Variants in KHDRBS2 observed in about 807,000 individuals in gnomAD.
The protein encoded by KHDRBS2 is KH RNA binding domain containing, signal transduction associated 2.
Under a neutral mutation model 44.3 loss-of-function variants are expected in KHDRBS2, and 26 were observed. That is an observed-to-expected ratio of 0.59 (90% CI 0.43 to 0.81). The LOEUF (loss-of-function observed/expected upper bound fraction) is 0.81, where lower values mean the gene tolerates loss of function less well. Ranked by LOEUF, KHDRBS2 falls within the 40% of genes least tolerant of loss-of-function variation. The pLI, the probability that KHDRBS2 is intolerant of heterozygous loss-of-function variation, is 0.00. For synonymous variants in KHDRBS2, 194 were observed against 151.1 expected (o/e 1.28, Z -2.08); for missense variants, 476 against 433.1 (o/e 1.10, Z -0.88).
intron 4 of KHDRBS2, among the ~76,000 whole-genome samples, chr6:61,945,201 A>G (rs1813120045): frequency 1.8e-5 from 2 of 113,352 alleles, no homozygotes; most frequent in South Asian, 5.5e-4. Flanking sequence ...AGATTTTATT[A>G]ATGATTAAAA....
chr6:62,188,398 T>C (rs1823891007), intron 1 of KHDRBS2, among the ~76,000 whole-genome samples: 1 of 152,168 alleles, frequency 6.6e-6, no homozygotes, highest in Non-Finnish European at 1.5e-5. Context: ...AGTGGAATCA[T>C]GTAGCGATTG....
At chr6:62,213,417 A>G (rs1301351087) in intron 1 of KHDRBS2, among the ~76,000 whole-genome samples, 1 of 152,022 alleles carries the variant, frequency 6.6e-6, no homozygotes, top group African/African-American at 2.4e-5. Flanking sequence ...CAGAGGGGGG[A>G]TCATGAAGGT....
At chr6:62,172,180 C>T (rs1229427431) in intron 2 of KHDRBS2, among the ~76,000 whole-genome samples, 1 of 151,962 alleles carries the variant, frequency 6.6e-6, no homozygotes, top group Non-Finnish European at 1.5e-5. Flanking sequence ...TTGAAGAGAC[C>T]CATCTCACAT....
intron 1 of KHDRBS2, among the ~76,000 whole-genome samples, chr6:62,262,896 G>A (rs915035885): frequency 1.3e-5 from 2 of 151,646 alleles, no homozygotes; most frequent in Non-Finnish European, 3.0e-5. Context: ...TCTCTAGAGA[G>A]AAACCATTCT....
intron 2 of KHDRBS2, among the ~76,000 whole-genome samples, chr6:62,077,160 T>C (rs1447057258): frequency 6.6e-6 from 1 of 152,102 alleles, no homozygotes; most frequent in Non-Finnish European, 1.5e-5. Context: ...AGAAAAATGC[T>C]GCATTTGACA....
At chr6:62,072,523 C>G (rs1795384461) in intron 2 of KHDRBS2, among the ~76,000 whole-genome samples, 1 of 151,976 alleles carries the variant, frequency 6.6e-6, no homozygotes, top group Non-Finnish European at 1.5e-5. Flanking sequence ...TCATTAATAC[C>G]TAATTTATTG....
At position 61,843,341 on chromosome 6, in the gene KHDRBS2, T is replaced by TTTATTATTATTATTATTA. The variant is rs70993183; in HGVS notation, c.810+51276_810+51293dup. The stretch of plus-strand genomic sequence containing the variant: ...GGCATGGTATATGAATTATATCTAT[T>TTTATTATTATTATTATTA]TTATTATTATTATTATTATTATTAT... On this transcript the variant is annotated intron_variant, in intron 6 of 8. Transcript: ENST00000281156. 1.6e-3 allele frequency among the ~76,000 whole-genome samples: 235 copies of TTTATTATTATTATTATTA among 143,366 alleles called. 2 individuals are homozygous for TTTATTATTATTATTATTA. Among genetic ancestry groups the TTTATTATTATTATTATTA allele is most frequent in the African/African-American group, 4.4e-3 (169 of 38,720 alleles). The allele number at this position is 143,366 out of a possible 152,430, so 94.1% of individuals were successfully genotyped here. A position where few individuals can be genotyped will look rare whatever the true frequency, so the allele number is the denominator to read the frequency against.
At chr6:61,982,214 A>AATATATATATAT (rs34900603) in intron 3 of KHDRBS2, among the ~76,000 whole-genome samples, 3 of 149,758 alleles carry the variant, frequency 2.0e-5, no homozygotes, top group African/African-American at 7.3e-5. Context: ...AGTCACTGCA[A>AATATATATATAT]ATATATATAT....
chr6:61,827,087 G>A (rs555231925), intron 6 of KHDRBS2, among the ~76,000 whole-genome samples: 60 of 152,328 alleles, frequency 3.9e-4, no homozygotes, highest in African/African-American at 1.3e-3. Context: ...CGTGCTGGAA[G>A]TATATACATT....
At chr6:61,821,809 C>T (rs1465498521) in intron 6 of KHDRBS2, among the ~76,000 whole-genome samples, 6 of 151,684 alleles carry the variant, frequency 4.0e-5, no homozygotes, top group Non-Finnish European at 5.9e-5. Context: ...CCATTAGAGA[C>T]CAATGACTGG....
intron 7 of KHDRBS2, among the ~76,000 whole-genome samples, chr6:61,713,033 G>A (rs1017668545): frequency 1.3e-5 from 2 of 151,418 alleles, no homozygotes; most frequent in African/African-American, 4.8e-5. Flanking sequence ...TTTATATCTT[G>A]CTTAGTATAG....
At chr6:62,125,297 G>C (rs765322382) in intron 2 of KHDRBS2, among the ~76,000 whole-genome samples, 1 of 152,162 alleles carries the variant, frequency 6.6e-6, no homozygotes, top group Non-Finnish European at 1.5e-5. Context: ...CATAGTGGGA[G>C]GATTTAGACC....
intron 6 of KHDRBS2, among the ~76,000 whole-genome samples, chr6:61,831,161 G>A (rs140339689): frequency 6.6e-6 from 1 of 152,140 alleles, no homozygotes; most frequent in East Asian, 1.9e-4. Flanking sequence ...GGCTCCTTAA[G>A]CCTTTTTAAG....
At chr6:62,184,999 T>C (rs1823134037) in intron 1 of KHDRBS2, among the ~76,000 whole-genome samples, 5 of 151,910 alleles carry the variant, frequency 3.3e-5, no homozygotes, top group Admixed American at 3.3e-4. Flanking sequence ...GGTGCTAAAA[T>C]ATCTTTGTCA....
At chr6:62,158,341 C>G (rs902752043) in intron 2 of KHDRBS2, among the ~76,000 whole-genome samples, 1 of 152,108 alleles carries the variant, frequency 6.6e-6, no homozygotes, top group Non-Finnish European at 1.5e-5. Context: ...CAGGTATGTA[C>G]ATAAATGTTC....
chr6:61,901,308 C>G lies in KHDRBS2; in HGVS notation c.547G>C (p.Asp183His), dbSNP rs757121906. 7 of 1,613,076 alleles carry G rather than the reference C, an allele frequency of 4.3e-6. No homozygotes were observed. Among genetic ancestry groups the G allele is most frequent in the Admixed American group, 1.7e-5 (1 of 59,994 alleles). Residue 183 changes from aspartate to histidine, a missense_variant, in exon 5 of 9, where the codon GAC becomes CAC. Asp to His is a moderately conservative substitution (Grantham distance 81). Transcript: ENST00000281156. ...CTAATACCTCTGCCACGACCAGAGT[C>G]CTCTGAGCCATTTAAGTAAGATAAT... ...RELSYLNGSEDSGRGRGIRGR... is the reference protein window; with the variant it reads ...RELSYLNGSEHSGRGRGIRGR...
the KHDRBS2 span, among the ~76,000 whole-genome samples, chr6:61,635,285 C>T: frequency 6.6e-6 from 1 of 151,894 alleles, no homozygotes; most frequent in Non-Finnish European, 1.5e-5. Flanking sequence ...TTTCTCATAT[C>T]CAAGTCAGAA....
chr6:62,205,214 C>T (rs922575580), intron 1 of KHDRBS2, among the ~76,000 whole-genome samples: 1 of 152,104 alleles, frequency 6.6e-6, no homozygotes, highest in Non-Finnish European at 1.5e-5. Flanking sequence ...GCTACTGCTA[C>T]TACTATGAGT....
At chr6:61,565,106 G>T in the KHDRBS2 span, among the ~76,000 whole-genome samples, 6 of 152,054 alleles carry the variant, frequency 3.9e-5, no homozygotes, top group Admixed American at 6.6e-5. Flanking sequence ...AGGAAAACTG[G>T]ATATCCAAAT....
Sources: allele counts gnomAD v4.1 joint callset (sites outside exome capture counted in the v4.1 genomes callset), GRCh38; gene constraint gnomAD v4.1.1; transcripts MANE v1.5; gene names NCBI Gene and HGNC (gene_info 2026-07-23, HGNC 2026-07-21).